The following DRICH1 variants were observed in gnomAD, a reference collection of about 807,000 sequenced individuals.
The protein encoded by DRICH1 is aspartate-rich protein 1.
DRICH1 carries 38 observed loss-of-function variants against 39.5 expected under a neutral mutation model. The observed-to-expected ratio is 0.96, with a 90% CI of 0.74 to 1.26. The LOEUF (loss-of-function observed/expected upper bound fraction) is 1.26. Ranked by LOEUF, DRICH1 falls within the 50% of genes most tolerant of loss-of-function variation. DRICH1 has a pLI of 0.00. For synonymous variants in DRICH1, 84 were observed against 99.5 expected (o/e 0.84, Z 0.93); for missense variants, 279 against 270.4 (o/e 1.03, Z -0.22).
downstream of DRICH1, among the ~76,000 whole-genome samples, chr22:23,607,539 G>T (rs997166664): frequency 3.2e-4 from 3 of 9,376 alleles, no homozygotes; most frequent in Non-Finnish European, 6.7e-4. Flanking sequence ...TGGCGGGGGC[G>T]GGGGGGGGCC....
At chr22:23,592,372 G>A in the DRICH1 span, among the ~76,000 whole-genome samples, 2 of 146,096 alleles carry the variant, frequency 1.4e-5, no homozygotes, top group Non-Finnish European at 3.0e-5. Context: ...GTGGCATCCA[G>A]TGATATCAAG....
rs748450502 is a variant in DRICH1 at position 23,620,634 on chromosome 22, A to T, written c.385-19T>A. 1 of 1,613,592 alleles carries T rather than the reference A, an allele frequency of 6.2e-7. No homozygotes were observed. Among genetic ancestry groups the T allele is most frequent in the Non-Finnish European group, 8.5e-7 (1 of 1,179,480 alleles). On this transcript the variant is annotated intron_variant, in intron 4 of 11. Transcript: ENST00000317749. ...GTAAAATCTGCAACGAGACAAAAGA[A>T]GATGCTATGAGGATCAGATCAATTC... is the stretch of plus-strand genomic sequence containing the variant.
chr22:23,584,892 G>A, the DRICH1 span, among the ~76,000 whole-genome samples: 7 of 152,110 alleles, frequency 4.6e-5, no homozygotes, highest in Non-Finnish European at 1.0e-4. Context: ...AACCTCCAGG[G>A]CTCAAGGAAT....
At chr22:23,623,928 C>T in intron 3 of DRICH1, 1 of 976,502 alleles carries the variant, frequency 1.0e-6, no homozygotes, top group South Asian at 4.7e-5. Context: ...GGTAAAACTG[C>T]ATATTCTCAA....
chr22:23,587,477 A>G, the DRICH1 span, among the ~76,000 whole-genome samples: 1 of 152,172 alleles, frequency 6.6e-6, no homozygotes, highest in Non-Finnish European at 1.5e-5. Flanking sequence ...TCCATCATCC[A>G]GGCAGAGGGA....
chr22:23,591,408 C>T, the DRICH1 span, among the ~76,000 whole-genome samples: 2 of 152,172 alleles, frequency 1.3e-5, no homozygotes, highest in Non-Finnish European at 2.9e-5. Flanking sequence ...CAGGTCTCTT[C>T]CTCTCCCTCC....
chr22:23,601,547 C>T, the DRICH1 span, among the ~76,000 whole-genome samples: 2 of 152,046 alleles, frequency 1.3e-5, no homozygotes, highest in African/African-American at 2.4e-5. Flanking sequence ...TTGCCAGGGG[C>T]TAAGGAGGGG....
chr22:23,599,922 G>A, the DRICH1 span, among the ~76,000 whole-genome samples: 23 of 152,302 alleles, frequency 1.5e-4, no homozygotes, highest in East Asian at 4.4e-3. Flanking sequence ...CACACTTCAG[G>A]TCTCACCTGG....
intron 6 of DRICH1, among the ~76,000 whole-genome samples, chr22:23,618,723 A>T (rs1927527181): frequency 6.6e-6 from 1 of 152,214 alleles, no homozygotes; most frequent in African/African-American, 2.4e-5. Context: ...GTTCAAATAT[A>T]CATGATCTAC....
At position 23,620,739 on chromosome 22, in the gene DRICH1, C is replaced by A; in HGVS notation, c.385-124G>T. 2.8e-6 allele frequency: 3 copies of A among 1,090,668 alleles called. No individual in the cohort carries two copies. In the South Asian group the frequency reaches 3.8e-5, roughly 14 times the overall value. 67.6% of individuals were successfully genotyped at this position (1,090,668 alleles called of 1,614,324 possible). On this transcript the variant is annotated intron_variant, in intron 4 of 11. Coordinates refer to ENST00000317749, the MANE Select transcript of DRICH1 (RefSeq NM_016449.4). ...TGTGAAACTGTTGTTGAGTCAAGGT[C>A]AAAGGCCAAACATTCTAGCATAGAG...
chr22:23,630,568 G>A (rs1043638871), intron 1 of DRICH1: 1 of 152,106 alleles, frequency 6.6e-6, no homozygotes, highest in Non-Finnish European at 1.5e-5. Flanking sequence ...TGAGGTGAGA[G>A]GACCACCATA....
At chr22:23,596,223 C>T in the DRICH1 span, among the ~76,000 whole-genome samples, 1 of 152,148 alleles carries the variant, frequency 6.6e-6, no homozygotes, top group Non-Finnish European at 1.5e-5. Flanking sequence ...GGCCAGTTCT[C>T]CCCGGGTCCA....
At chr22:23,601,866 AGTGGTTGCC>A in the DRICH1 span, among the ~76,000 whole-genome samples, 1 of 152,278 alleles carries the variant, frequency 6.6e-6, no homozygotes, top group African/African-American at 2.4e-5. Context: ...GAAAGAGACC[AGTGGTTGCC>A]GTGGTTGGGG....
At chr22:23,603,037 T>C in the DRICH1 span, among the ~76,000 whole-genome samples, 2 of 143,968 alleles carry the variant, frequency 1.4e-5, no homozygotes, top group East Asian at 2.1e-4. Flanking sequence ...AGACAGTCTC[T>C]CTCTGTCGCC....
At chr22:23,614,259 C>T in intron 8 of DRICH1, 45 bp from the exon 9 acceptor site, 7 of 1,384,066 alleles carry the variant, frequency 5.1e-6, no homozygotes, top group Non-Finnish European at 7.2e-6. Context: ...TGGTTGGTGA[C>T]TCTGAGTCAC....
intron 6 of DRICH1, among the ~76,000 whole-genome samples, chr22:23,618,622 C>T (rs1026638761): frequency 6.6e-6 from 1 of 152,116 alleles, no homozygotes; most frequent in East Asian, 1.9e-4. Context: ...TTCATTGAAA[C>T]AGGCCAAGCT....
In DRICH1 at chr22:23,620,625, G is replaced by C; in HGVS notation, c.385-10C>G. ...CACGTGACGGTAAAATCTGCAACGA[G>C]ACAAAAGAAGATGCTATGAGGATCA... is the stretch of plus-strand genomic sequence containing the variant. On this transcript the variant is annotated splice_polypyrimidine_tract_variant and intron_variant, in intron 4 of 11. Coordinates refer to ENST00000317749, the MANE Select transcript of DRICH1 (RefSeq NM_016449.4). 1.2e-6 allele frequency: 2 copies of C among 1,613,660 alleles called. No individual in the cohort carries two copies. Among genetic ancestry groups the C allele is most frequent in the Middle Eastern group, 1.6e-4 (1 of 6,062 alleles).
chr22:23,625,416 C>G (rs1928000964), intron 2 of DRICH1, among the ~76,000 whole-genome samples: 1 of 151,898 alleles, frequency 6.6e-6, no homozygotes, highest in South Asian at 2.1e-4. Context: ...AGCAAAAAAA[C>G]AGAAGAAATA....
chr22:23,593,623 A>AC, the DRICH1 span, among the ~76,000 whole-genome samples: 1 of 152,060 alleles, frequency 6.6e-6, no homozygotes, highest in Non-Finnish European at 1.5e-5. Flanking sequence ...ACATGGTGAA[A>AC]CCCCATCTCT....
Sources: allele counts gnomAD v4.1 joint callset (sites outside exome capture counted in the v4.1 genomes callset), GRCh38; gene constraint gnomAD v4.1.1; transcripts MANE v1.5; gene names NCBI Gene and HGNC (gene_info 2026-07-23, HGNC 2026-07-21).